PHLPP2: variants seen among roughly 807,000 people sequenced by gnomAD.
PHLPP2 encodes the protein PH domain and leucine rich repeat protein phosphatase 2.
In PHLPP2, 66 loss-of-function variants were observed where a neutral mutation model predicts 124.9. That is an observed-to-expected ratio of 0.53 (90% CI 0.43 to 0.65). PHLPP2 has a LOEUF of 0.65. Ranked by LOEUF, PHLPP2 falls within the 30% of genes least tolerant of loss-of-function variation. The pLI, the probability that PHLPP2 is intolerant of heterozygous loss-of-function variation, is 0.00. For synonymous variants in PHLPP2, 681 were observed against 624.7 expected (o/e 1.09, Z -1.34); for missense variants, 1,685 against 1,600.4 (o/e 1.05, Z -0.90).
chr16:71,702,999 T>C (rs995267674), intron 2 of PHLPP2, among the ~76,000 whole-genome samples: 1 of 152,258 alleles, frequency 6.6e-6, no homozygotes, highest in African/African-American at 2.4e-5. Flanking sequence ...CCACACTCTA[T>C]TATTTAGCTA....
intron 2 of PHLPP2, among the ~76,000 whole-genome samples, chr16:71,710,425 G>A (rs2045316206): frequency 1.3e-5 from 2 of 152,094 alleles, no homozygotes; most frequent in Admixed American, 1.3e-4. Context: ...AGAAAACGTG[G>A]GGTAATTTTA....
intron 9 of PHLPP2, among the ~76,000 whole-genome samples, chr16:71,674,429 T>C (rs566565505): frequency 4.6e-4 from 69 of 150,596 alleles, no homozygotes; most frequent in Admixed American, 2.2e-3. Context: ...ATACCAAGAG[T>C]AAACATCATC....
At chr16:71,682,557 G>A (rs1597002602) in intron 5 of PHLPP2, among the ~76,000 whole-genome samples, 1 of 152,098 alleles carries the variant, frequency 6.6e-6, no homozygotes, top group Non-Finnish European at 1.5e-5. Flanking sequence ...AAAAGACATG[G>A]CCTTCTGTAG....
Position 71,672,276 on chromosome 16 carries a change from G to A in PHLPP2, c.1518C>T (p.Phe506=), listed in dbSNP as rs987164092. 7 of 1,613,356 alleles carry A rather than the reference G, an allele frequency of 4.3e-6. No individual in the cohort carries two copies. The highest frequency in any genetic ancestry group is 5.9e-6 in the Non-Finnish European group (7 of 1,179,434). ...NVYPVPSLLT[F]LDLSRNLLEC... is the part of the protein sequence containing the mutation. Reference sequence around the variant, plus strand: ...AAGACACTCACCGGGAGAGATCCAAGAAAGTGAGCAGGCTGGGTACTGGAT... The same window carrying A: ...AAGACACTCACCGGGAGAGATCCAAAAAAGTGAGCAGGCTGGGTACTGGAT... Residue 506 remains phenylalanine, a synonymous_variant, in exon 10 of 19, where the codon TTC becomes TTT. Transcript: ENST00000568954.
At chr16:71,693,228 A>C (rs1274121837) in intron 3 of PHLPP2, among the ~76,000 whole-genome samples, 1 of 152,188 alleles carries the variant, frequency 6.6e-6, no homozygotes, top group Non-Finnish European at 1.5e-5. Flanking sequence ...CGGAGGTTGC[A>C]GTGAGCTGAG....
intron 9 of PHLPP2, among the ~76,000 whole-genome samples, chr16:71,673,711 G>C (rs547431352): frequency 9.9e-4 from 150 of 152,096 alleles, no homozygotes; most frequent in African/African-American, 3.5e-3. Context: ...AAATATTTAG[G>C]ACTGTGTGCC....
At chr16:71,661,915 C>T (rs1023014610) in intron 13 of PHLPP2, among the ~76,000 whole-genome samples, 5 of 152,094 alleles carry the variant, frequency 3.3e-5, no homozygotes, top group Non-Finnish European at 2.9e-5. Flanking sequence ...CCTCTGCCTC[C>T]GGGGTTCAAG....
In PHLPP2 at chr16:71,656,836, T is replaced by C. The variant is rs2044746121; in HGVS notation, c.2280-155A>G. On this transcript the variant is annotated intron_variant, in intron 15 of 18. Transcript: ENST00000568954. ...TGTGACCTCAGCTCACTGCAACTGC[T>C]GCCTCCCGGTTCAAGCAATTCTCCT... Among the ~76,000 whole-genome samples the C allele has an allele frequency of 2.0e-5, 3 of 151,708 alleles. No individual in the cohort carries two copies. The South Asian group carries it at 6.3e-4, about 32-fold the overall frequency.
intron 3 of PHLPP2, among the ~76,000 whole-genome samples, chr16:71,693,959 C>T (rs9937280): frequency 0.35 from 52,843 of 151,962 alleles, 9,990 homozygotes; most frequent in East Asian, 0.76. Context: ...TTGGGAGGCC[C>T]GGGCAGTTGG....
At chr16:71,673,865 C>G (rs1229474326) in intron 9 of PHLPP2, among the ~76,000 whole-genome samples, 1 of 152,098 alleles carries the variant, frequency 6.6e-6, no homozygotes, top group Non-Finnish European at 1.5e-5. Flanking sequence ...CAACACTCAC[C>G]AGTTTTAACA....
intron 3 of PHLPP2, among the ~76,000 whole-genome samples, chr16:71,700,909 T>C (rs1388329327): frequency 6.6e-6 from 1 of 152,186 alleles, no homozygotes; most frequent in African/African-American, 2.4e-5. Context: ...GAGGCCTCTG[T>C]GCACGTGCAT....
chr16:71,693,075 G>C (rs1235814520), intron 3 of PHLPP2, among the ~76,000 whole-genome samples: 1 of 152,074 alleles, frequency 6.6e-6, no homozygotes, highest in African/African-American at 2.4e-5. Flanking sequence ...CGGATCACGA[G>C]GTCAGAAGTT....
intron 5 of PHLPP2, among the ~76,000 whole-genome samples, chr16:71,682,463 G>A (rs377044842): frequency 1.4e-4 from 22 of 152,154 alleles, no homozygotes; most frequent in Admixed American, 9.2e-4. Context: ...GATTACAGGC[G>A]TGAGTCACAG....
chr16:71,671,372 C>T (rs1409549529), intron 10 of PHLPP2, among the ~76,000 whole-genome samples: 1 of 152,020 alleles, frequency 6.6e-6, no homozygotes, highest in Admixed American at 6.6e-5. Context: ...CAAATAGGAC[C>T]CTGCCCACTG....
At chr16:71,691,955 C>T (rs2045117805) in intron 3 of PHLPP2, among the ~76,000 whole-genome samples, 1 of 151,732 alleles carries the variant, frequency 6.6e-6, no homozygotes, top group African/African-American at 2.4e-5. Context: ...AACAAAACAA[C>T]AACAACAAAA....
chr16:71,695,039 C>A (rs1392607022), intron 3 of PHLPP2, among the ~76,000 whole-genome samples: 1 of 152,102 alleles, frequency 6.6e-6, no homozygotes, highest in Non-Finnish European at 1.5e-5. Context: ...CCCGTCTTGG[C>A]ATCCCAAAGT....
chr16:71,723,733 C>CCGCT (rs758750389), intron 1 of PHLPP2: 11 of 1,067,130 alleles, frequency 1.0e-5, no homozygotes, highest in African/African-American at 1.7e-5. Context: ...GCCCGCTCGC[C>CCGCT]CGCTCGCTCG....
rs372149872 is a variant in PHLPP2, at chr16:71,714,839, C to T, written c.-6-38G>A. ...AAGAGAAAGAAATCGTTAGCTAGAA[C>T]ATCTGACTGAATTAGACATTTCAGT... On this transcript the variant is annotated intron_variant, in intron 1 of 18. Transcript: ENST00000568954. 50 of 1,581,448 alleles carry T rather than the reference C, an allele frequency of 3.2e-5. No individual in the cohort carries two copies. In the South Asian group the frequency reaches 5.3e-4, roughly 17 times the overall value.
intron 17 of PHLPP2, among the ~76,000 whole-genome samples, chr16:71,654,520 G>A (rs993000118): frequency 8.5e-5 from 13 of 152,270 alleles, no homozygotes; most frequent in Non-Finnish European, 1.9e-4. Context: ...CAGAGGTAGC[G>A]ACCCATAGCT....
Sources: gnomAD v4.1 joint callset for allele counts (sites outside exome capture counted in the v4.1 genomes callset) on GRCh38, gnomAD v4.1.1 for gene constraint, MANE v1.5 for transcripts, NCBI Gene and HGNC (gene_info 2026-07-23, HGNC 2026-07-21) for gene names.